PRTG: variants seen among roughly 807,000 people sequenced by gnomAD.
PRTG encodes protogenin, also known as immunoglobulin superfamily, DCC subclass, member 5.
PRTG carries 67 observed loss-of-function variants against 122.5 expected under a neutral mutation model. The observed-to-expected ratio is 0.55, with a 90% CI of 0.45 to 0.67. PRTG has a LOEUF of 0.67. Among genes scored for constraint, PRTG ranks in the 30% least tolerant of loss-of-function variants. PRTG has a pLI of 0.00. For missense variants in PRTG, 1,435 were observed against 1,415.4 expected, an observed-to-expected ratio of 1.01 and a Z score of -0.22; for synonymous variants, 554 against 501.1, an observed-to-expected ratio of 1.11 and a Z score of -1.41.
chr15:55,723,416 T>C (rs539381080), intron 2 of PRTG, among the ~76,000 whole-genome samples: 48 of 125,520 alleles, frequency 3.8e-4, no homozygotes, highest in Admixed American at 2.6e-3. Context: ...AAAGGGTGAA[T>C]AGATTCTAAG....
At chr15:55,700,909 A>G (rs1257450951) in intron 2 of PRTG, among the ~76,000 whole-genome samples, 2 of 152,252 alleles carry the variant, frequency 1.3e-5, no homozygotes, top group African/African-American at 4.8e-5. Flanking sequence ...CAGAATGTAT[A>G]CACAACGCTC....
At chr15:55,680,248 A>T (rs745817170) in intron 5 of PRTG, 36 bp from the exon 6 acceptor site, 19 of 1,508,492 alleles carry the variant, frequency 1.3e-5, no homozygotes, top group Non-Finnish European at 1.7e-5. Context: ...TAAACAATGT[A>T]ACAAATAACC....
intron 15 of PRTG, among the ~76,000 whole-genome samples, chr15:55,633,767 C>T (rs2059240814): frequency 1.3e-5 from 2 of 152,140 alleles, no homozygotes; most frequent in Admixed American, 6.5e-5. Flanking sequence ...AACTCAGTTG[C>T]TTTTTACTGA....
intron 2 of PRTG, among the ~76,000 whole-genome samples, chr15:55,730,764 C>T (rs1181130598): frequency 1.3e-5 from 2 of 152,152 alleles, no homozygotes; most frequent in Non-Finnish European, 2.9e-5. Context: ...GGCGCCACTG[C>T]ACTCCAACCT....
intron 11 of PRTG, among the ~76,000 whole-genome samples, chr15:55,643,301 G>A (rs2059302725): frequency 6.6e-6 from 1 of 152,072 alleles, no homozygotes; most frequent in South Asian, 2.1e-4. Flanking sequence ...TAGATAGAAA[G>A]GTAAGAAGAC....
chr15:55,688,346 C>A (rs1235040995), intron 2 of PRTG, among the ~76,000 whole-genome samples: 1 of 152,114 alleles, frequency 6.6e-6, no homozygotes, highest in Non-Finnish European at 1.5e-5. Context: ...TCCTCTTCTG[C>A]CCTTCCTTCC....
intron 8 of PRTG, 65 bp downstream of exon 8, chr15:55,677,732 C>T (rs186918363): frequency 2.3e-5 from 34 of 1,487,586 alleles, no homozygotes; most frequent in Admixed American, 2.0e-4. Flanking sequence ...AGGCATTATT[C>T]GTACTGAAAA....
chr15:55,696,045 TG>T (rs749470163), intron 2 of PRTG, among the ~76,000 whole-genome samples: 2 of 151,768 alleles, frequency 1.3e-5, no homozygotes. Flanking sequence ...GGGGCCAAGG[TG>T]GGAAGTTCAT....
chr15:55,631,226 C>T (rs1187912012), intron 15 of PRTG, among the ~76,000 whole-genome samples: 2 of 151,922 alleles, frequency 1.3e-5, no homozygotes, highest in African/African-American at 2.4e-5. Flanking sequence ...TGTTTTTAGG[C>T]AGAGGAATTA....
intron 11 of PRTG, among the ~76,000 whole-genome samples, chr15:55,670,086 T>C (rs1369351881): frequency 6.6e-6 from 1 of 152,134 alleles, no homozygotes; most frequent in African/African-American, 2.4e-5. Flanking sequence ...ATTTAAAAAG[T>C]TCAACAAAGA....
intron 2 of PRTG, among the ~76,000 whole-genome samples, chr15:55,730,258 C>T (rs1036304090): frequency 1.5e-4 from 23 of 151,912 alleles, no homozygotes; most frequent in Non-Finnish European, 2.9e-4. Flanking sequence ...CTTGCCACCA[C>T]GCCCAGCTAA....
At chr15:55,732,518 G>T (rs1489951564) in intron 2 of PRTG, among the ~76,000 whole-genome samples, 1 of 143,710 alleles carries the variant, frequency 7.0e-6, no homozygotes, top group African/African-American at 2.6e-5. Context: ...TTTTGAGACG[G>T]AGTTTCGCTC....
intron 2 of PRTG, among the ~76,000 whole-genome samples, chr15:55,739,754 C>CA (rs2141897395): frequency 6.6e-6 from 1 of 152,298 alleles, no homozygotes; most frequent in South Asian, 2.1e-4. Flanking sequence ...TTAGATAGCA[C>CA]ACTTTATGAC....
chr15:55,679,240 A>C (rs1343672785), intron 7 of PRTG, 46 bp downstream of exon 7: 7 of 1,264,054 alleles, frequency 5.5e-6, no homozygotes, highest in South Asian at 1.3e-5. Context: ...AAATTACTAA[A>C]GCCATTATAT....
chr15:55,659,120 G>C (rs1038177400), intron 11 of PRTG, among the ~76,000 whole-genome samples: 1 of 152,156 alleles, frequency 6.6e-6, no homozygotes, highest in African/African-American at 2.4e-5. Flanking sequence ...AGCTATCAAG[G>C]CTAATTCAAG....
intron 15 of PRTG, among the ~76,000 whole-genome samples, chr15:55,633,844 A>G (rs1023880189): frequency 2.0e-5 from 3 of 152,322 alleles, no homozygotes; most frequent in Middle Eastern, 3.4e-3. Flanking sequence ...AACAAATGAC[A>G]AAAGCTTTTC....
intron 2 of PRTG, among the ~76,000 whole-genome samples, chr15:55,714,586 T>C (rs1307256279): frequency 6.6e-6 from 1 of 151,966 alleles, no homozygotes; most frequent in South Asian, 2.1e-4. Context: ...TGAGGTTAAG[T>C]TTCTAAGTGA....
At chr15:55,683,559 T>C (rs531342388) in intron 3 of PRTG, among the ~76,000 whole-genome samples, 4 of 152,160 alleles carry the variant, frequency 2.6e-5, no homozygotes, top group Non-Finnish European at 5.9e-5. Context: ...GAGGAAAGGA[T>C]CAAGGCAGTA....
rs1245417653 is a variant in PRTG at position 55,648,519 on chromosome 15, C to CTTGAAAAACT, written c.2042-7321_2042-7312dup. On this transcript the variant is annotated intron_variant, in intron 11 of 19. Transcript: ENST00000389286. The stretch of plus-strand genomic sequence containing the variant: ...CCCCATGCCTTCGTCCGGCATTTTA[C>CTTGAAAAACT]TTGAAAAACTTGCATTTCTGTTCTC... Among the ~76,000 whole-genome samples the CTTGAAAAACT allele has an allele frequency of 2.0e-5, 3 of 152,208 alleles. No individual in the cohort carries two copies. The East Asian group carries it at 5.8e-4, about 29-fold the overall frequency.
Sources: gnomAD v4.1 joint callset for allele counts (sites outside exome capture counted in the v4.1 genomes callset) on GRCh38, gnomAD v4.1.1 for gene constraint, MANE v1.5 for transcripts, NCBI Gene and HGNC (gene_info 2026-07-23, HGNC 2026-07-21) for gene names.